ANKFN1: variants seen among roughly 807,000 people sequenced by gnomAD.
ANKFN1 encodes the protein ankyrin repeat and fibronectin type III domain containing 1, also known as ankyrin repeat and fibronectin type-III domain-containing protein 1.
ANKFN1 carries 74 observed loss-of-function variants against 108.7 expected under a neutral mutation model. The ratio of observed to expected loss-of-function variants is 0.68; its 90% CI spans 0.56 to 0.83. The LOEUF is 0.83. Among genes scored for constraint, ANKFN1 ranks in the 40% least tolerant of loss-of-function variants. The probability of loss-of-function intolerance (pLI) is 0.00; values close to 1 mark genes in which losing one functional copy is unlikely to be tolerated. For synonymous variants in ANKFN1, 547 were observed against 516.2 expected, an observed-to-expected ratio of 1.06 and a Z score of -0.81; for missense variants, 1,505 against 1,382.3, an observed-to-expected ratio of 1.09 and a Z score of -1.41.
chr17:56,308,996 C>T (rs1271001061), intron 3 of ANKFN1, among the ~76,000 whole-genome samples: 3 of 152,140 alleles, frequency 2.0e-5, no homozygotes, highest in South Asian at 2.1e-4. Context: ...TTTTTTGCAT[C>T]TACATTTGTG....
chr17:56,177,471 C>T (rs961133939), intron 1 of ANKFN1, among the ~76,000 whole-genome samples: 1 of 152,194 alleles, frequency 6.6e-6, no homozygotes, highest in African/African-American at 2.4e-5. Flanking sequence ...GCTGGAGACT[C>T]CTGTTCCATC....
chr17:56,206,729 T>C (rs1021200641), intron 1 of ANKFN1, among the ~76,000 whole-genome samples: 4 of 152,128 alleles, frequency 2.6e-5, no homozygotes, highest in Admixed American at 2.6e-4. Context: ...ATTAATACTA[T>C]CCCCGTGCTT....
intron 8 of ANKFN1, among the ~76,000 whole-genome samples, chr17:56,426,381 T>C (rs2048568861): frequency 6.6e-6 from 1 of 152,242 alleles, no homozygotes; most frequent in African/African-American, 2.4e-5. Context: ...ACTGCATTCA[T>C]TCATTTAAGA....
At chr17:56,447,773 T>G (rs2049346436) in intron 10 of ANKFN1, among the ~76,000 whole-genome samples, 1 of 152,232 alleles carries the variant, frequency 6.6e-6, no homozygotes, top group Non-Finnish European at 1.5e-5. Flanking sequence ...TCTCATTTAA[T>G]GCTCGCAAAT....
chr17:56,134,150 A>C (rs1348509816), intron 4 of ANKFN1, among the ~76,000 whole-genome samples: 1 of 152,210 alleles, frequency 6.6e-6, no homozygotes, highest in East Asian at 1.9e-4. Context: ...TTAATAAAGG[A>C]TATAATAAAG....
intron 1 of ANKFN1, among the ~76,000 whole-genome samples, chr17:56,173,344 A>G (rs573772457): frequency 1.2e-4 from 19 of 152,132 alleles, no homozygotes; most frequent in African/African-American, 4.6e-4. Flanking sequence ...GGCTTCTTTC[A>G]CCACCATATT....
intron 4 of ANKFN1, among the ~76,000 whole-genome samples, chr17:56,131,710 T>G (rs1204324333): frequency 6.6e-6 from 1 of 152,142 alleles, no homozygotes; most frequent in East Asian, 1.9e-4. Context: ...AGATTTAAAA[T>G]TATGTGGGAA....
intron 5 of ANKFN1, among the ~76,000 whole-genome samples, chr17:56,352,563 TC>T (rs2046274300): frequency 6.6e-6 from 1 of 152,210 alleles, no homozygotes; most frequent in Non-Finnish European, 1.5e-5. Context: ...CTAAAAGAAT[TC>T]CGGAGTTCTT....
chr17:56,262,334 A>G (rs1050178582), intron 3 of ANKFN1, among the ~76,000 whole-genome samples: 1 of 152,168 alleles, frequency 6.6e-6, no homozygotes, highest in Non-Finnish European at 1.5e-5. Flanking sequence ...AGTAACTTCA[A>G]TGGTTTCAAT....
chr17:56,067,361 T>C (rs1905072751), intron 4 of ANKFN1, among the ~76,000 whole-genome samples: 1 of 152,214 alleles, frequency 6.6e-6, no homozygotes, highest in Non-Finnish European at 1.5e-5. Flanking sequence ...TTCATATTTG[T>C]GGTTTACATT....
rs34077118 is a variant in ANKFN1 at position 56,303,851 on chromosome 17, A to ATTTT, written c.54-22355_54-22352dup. ...AGGTGCACACCACCACGCTGAGCCA[A>ATTTT]TTTTTTTTTTTTTTTTTTGTAATTT... On this transcript the variant is annotated intron_variant, in intron 3 of 20. Transcript: ENST00000682825. 4.7e-4 allele frequency among the ~76,000 whole-genome samples: 62 copies of ATTTT among 131,906 alleles called. 1 individual carries two copies. Among genetic ancestry groups the ATTTT allele is most frequent in the Middle Eastern group, 3.8e-3 (1 of 262 alleles). The allele number at this position is 131,906 out of a possible 152,430, so 86.5% of individuals were successfully genotyped here.
At chr17:56,391,245 A>ATG (rs1212689836) in intron 8 of ANKFN1, among the ~76,000 whole-genome samples, 1 of 30,386 alleles carries the variant, frequency 3.3e-5, no homozygotes, top group African/African-American at 4.9e-5. Context: ...ATATATATAT[A>ATG]TATGTATGTG....
At chr17:56,322,851 C>G (rs1359069085) in intron 3 of ANKFN1, among the ~76,000 whole-genome samples, 1 of 152,214 alleles carries the variant, frequency 6.6e-6, no homozygotes, top group Non-Finnish European at 1.5e-5. Context: ...TTGCATATCT[C>G]ATGCTAAGTA....
chr17:56,341,743 T>C lies in ANKFN1; in HGVS notation c.189-9023T>C, dbSNP rs1399597758. Among the ~76,000 whole-genome samples, 3 of 152,034 alleles carry C rather than the reference T, an allele frequency of 2.0e-5. No individual in the cohort carries two copies. The East Asian group carries it at 5.8e-4, about 29-fold the overall frequency. ...TTGAGGATTTTTGCATCAATGTTCT[T>C]CCAGGACATTGGCCTAAAGTTTTTT... On this transcript the variant is annotated intron_variant, in intron 4 of 20. Coordinates refer to ENST00000682825, the MANE Select transcript of ANKFN1 (RefSeq NM_001370326.1).
chr17:56,310,472 C>T (rs762530651), intron 3 of ANKFN1, among the ~76,000 whole-genome samples: 1 of 151,978 alleles, frequency 6.6e-6, no homozygotes, highest in Non-Finnish European at 1.5e-5. Context: ...AAAAAATTAG[C>T]CAGATGTGGT....
At chr17:56,450,911 A>G (rs1448917126) in intron 11 of ANKFN1, among the ~76,000 whole-genome samples, 1 of 152,210 alleles carries the variant, frequency 6.6e-6, no homozygotes, top group Non-Finnish European at 1.5e-5. Flanking sequence ...AATTGTTTCT[A>G]TAGTTTCCAT....
intron 4 of ANKFN1, among the ~76,000 whole-genome samples, chr17:56,116,102 C>T (rs966678219): frequency 1.3e-5 from 2 of 152,152 alleles, no homozygotes; most frequent in Non-Finnish European, 2.9e-5. Flanking sequence ...ATTTCCCAGC[C>T]ATGTCCCCAG....
At chr17:56,381,000 C>T (rs541845925) in intron 8 of ANKFN1, among the ~76,000 whole-genome samples, 1 of 152,304 alleles carries the variant, frequency 6.6e-6, no homozygotes, top group Non-Finnish European at 1.5e-5. Context: ...GGGTCCCTGA[C>T]CCCTGACCTC....
intron 6 of ANKFN1, among the ~76,000 whole-genome samples, chr17:56,364,674 T>C (rs1038229757): frequency 2.0e-5 from 3 of 152,254 alleles, no homozygotes; most frequent in African/African-American, 7.2e-5. Flanking sequence ...TTCCAAAAGT[T>C]CCTTTCTGTG....
Sources: allele counts gnomAD v4.1 joint callset (sites outside exome capture counted in the v4.1 genomes callset), GRCh38; gene constraint gnomAD v4.1.1; transcripts MANE v1.5; gene names NCBI Gene and HGNC (gene_info 2026-07-23, HGNC 2026-07-21).